The following CACNA1C variants were observed in gnomAD, a reference collection of about 807,000 sequenced individuals.
The protein encoded by CACNA1C is voltage-dependent L-type calcium channel subunit alpha-1C.
Under a neutral mutation model 229.0 loss-of-function variants are expected in CACNA1C, and 30 were observed. The ratio of observed to expected loss-of-function variants is 0.13; its 90% CI spans 0.10 to 0.18. CACNA1C has a LOEUF of 0.18. Among genes scored for constraint, CACNA1C ranks in the 10% least tolerant of loss-of-function variants. The pLI is 1.00. For missense variants in CACNA1C, 1,658 were observed against 2,845.0 expected (o/e 0.58, Z 9.49); for synonymous variants, 1,114 against 1,132.5 (o/e 0.98, Z 0.33).
At chr12:2,374,025 T>C (rs939791787) in intron 3 of CACNA1C, among the ~76,000 whole-genome samples, 3 of 152,226 alleles carry the variant, frequency 2.0e-5, no homozygotes, top group African/African-American at 7.2e-5. Context: ...GTTGCCACAG[T>C]GGTCAAGGGA....
intron 4 of CACNA1C, among the ~76,000 whole-genome samples, chr12:2,450,240 C>T (rs578015402): frequency 7.2e-5 from 11 of 152,126 alleles, no homozygotes; most frequent in Non-Finnish European, 1.6e-4. Flanking sequence ...CCTACCTACA[C>T]TGGTGAAGTG....
chr12:2,671,303 G>A (rs1325711631), intron 38 of CACNA1C, among the ~76,000 whole-genome samples: 2 of 152,020 alleles, frequency 1.3e-5, no homozygotes, highest in East Asian at 1.9e-4. Flanking sequence ...ATGAGCCACC[G>A]CGCCCGGCCA....
At chr12:2,094,890 C>A (rs750591696) in intron 1 of CACNA1C, among the ~76,000 whole-genome samples, 2 of 152,146 alleles carry the variant, frequency 1.3e-5, no homozygotes, top group African/African-American at 2.4e-5. Context: ...TGCTGCAGGC[C>A]CCAGGGGCTC....
chr12:2,393,715 T>C (rs2098526079), intron 3 of CACNA1C, among the ~76,000 whole-genome samples: 1 of 152,226 alleles, frequency 6.6e-6, no homozygotes, highest in African/African-American at 2.4e-5. Flanking sequence ...CCTTGGCAGG[T>C]ACTCGTTTTC....
chr12:2,283,039 A>G (rs184368168), intron 3 of CACNA1C, among the ~76,000 whole-genome samples: 105 of 151,624 alleles, frequency 6.9e-4, no homozygotes, highest in Non-Finnish European at 1.2e-3. Flanking sequence ...TTTTTTACAT[A>G]AAACAGAGGC....
chr12:2,322,361 G>A (rs559248132), intron 3 of CACNA1C, among the ~76,000 whole-genome samples: 2 of 152,318 alleles, frequency 1.3e-5, no homozygotes, highest in South Asian at 4.1e-4. Flanking sequence ...GAGGGCCCGA[G>A]GGCCTGCCCA....
intron 11 of CACNA1C, among the ~76,000 whole-genome samples, chr12:2,560,899 G>T (rs1257729390): frequency 2.7e-5 from 4 of 147,150 alleles, no homozygotes; most frequent in African/African-American, 9.9e-5. Flanking sequence ...CCACTAGAAG[G>T]AGCCTGCAGG....
At chr12:2,407,808 G>T (rs1327429039) in intron 3 of CACNA1C, among the ~76,000 whole-genome samples, 3 of 152,252 alleles carry the variant, frequency 2.0e-5, no homozygotes. Context: ...GTGATGTCGA[G>T]CATCTTTTCA....
At position 2,693,129 on chromosome 12, in the gene CACNA1C, G is replaced by T. The variant is rs951032688; in HGVS notation, c.*1930G>T. On this transcript the variant is annotated 3_prime_UTR_variant, in exon 47 of 47. Coordinates refer to ENST00000399655, the MANE Select transcript of CACNA1C (RefSeq NM_000719.7). ...TCCCTCAATTTTTCCAAAATCGTTT[G>T]CTGGGTATGTTTGTACCGCCTCTTG... 6.6e-6 allele frequency: 1 copy of T among 152,188 alleles called. No individual in the cohort carries two copies. The highest frequency in any genetic ancestry group is 6.5e-5 in the Admixed American group (1 of 15,282). 9.4% of individuals were successfully genotyped at this position (152,188 alleles called of 1,614,324 possible). A position where few individuals can be genotyped will look rare whatever the true frequency, so the allele number is the denominator to read the frequency against.
At chr12:2,673,204 G>A (rs567035191) in intron 38 of CACNA1C, among the ~76,000 whole-genome samples, 4 of 152,272 alleles carry the variant, frequency 2.6e-5, no homozygotes, top group Admixed American at 6.5e-5. Context: ...GGCTGGGCAC[G>A]GTGGCTCACA....
At chr12:2,586,322 A>C (rs946572424) in intron 18 of CACNA1C, among the ~76,000 whole-genome samples, 1 of 152,204 alleles carries the variant, frequency 6.6e-6, no homozygotes, top group African/African-American at 2.4e-5. Context: ...GTGCAGGGAC[A>C]GCTGCCACCA....
At chr12:2,380,030 C>CAAAAAAAAAAAAAAAAAAAAAAAA (rs1172016514) in intron 3 of CACNA1C, among the ~76,000 whole-genome samples, 2 of 80,130 alleles carry the variant, frequency 2.5e-5, no homozygotes, top group African/African-American at 4.8e-5. Flanking sequence ...GACTCCGTCT[C>CAAAAAAAAAAAAAAAAAAAAAAAA]AAAAAAAAAA....
chr12:2,268,421 G>A (rs910511457), intron 3 of CACNA1C, among the ~76,000 whole-genome samples: 7 of 152,230 alleles, frequency 4.6e-5, no homozygotes, highest in Non-Finnish European at 8.8e-5. Flanking sequence ...TGTTCCAGAA[G>A]ATTTCATGGA....
intron 29 of CACNA1C, among the ~76,000 whole-genome samples, chr12:2,629,974 G>A (rs1392414240): frequency 2.6e-5 from 4 of 152,208 alleles, no homozygotes. Context: ...CACATCTCCA[G>A]AGTGGGGAGT....
Position 2,595,799 on chromosome 12 carries a change from G to A in CACNA1C, c.2664-75G>A, listed in dbSNP as rs540714719. On this transcript the variant is annotated intron_variant, in intron 19 of 46. Transcript: ENST00000399655. The surrounding 1 kb of genome is among the most constrained non-coding windows in gnomAD (Gnocchi z 4.1). ...GCTGCTGGGGAGAGCTGAGGAGAGG[G>A]GCTCCCAAGAGCCGACTGGTGCTTC... is the stretch of plus-strand genomic sequence containing the variant. 166 of 1,457,158 alleles carry A rather than the reference G, an allele frequency of 1.1e-4. 2 individuals are homozygous for A. The South Asian group carries it at 1.3e-3, about 11-fold the overall frequency. The allele number at this position is 1,457,158 out of a possible 1,614,324, so 90.3% of individuals were successfully genotyped here.
chr12:2,453,432 C>T (rs905192247), intron 4 of CACNA1C, among the ~76,000 whole-genome samples: 3 of 152,172 alleles, frequency 2.0e-5, no homozygotes, highest in Non-Finnish European at 2.9e-5. Context: ...TGGGCTCCCT[C>T]CTTGATCCCA....
At chr12:2,668,046 A>C (rs530855429) in intron 37 of CACNA1C, among the ~76,000 whole-genome samples, 2 of 152,292 alleles carry the variant, frequency 1.3e-5, no homozygotes, top group Admixed American at 1.3e-4. Context: ...TTCTGCTCCA[A>C]CTTGATGCAG....
At chr12:2,621,810 A>G (rs1026481959) in intron 29 of CACNA1C, among the ~76,000 whole-genome samples, 2 of 152,200 alleles carry the variant, frequency 1.3e-5, no homozygotes, top group African/African-American at 4.8e-5. Context: ...AGAGAAGAAC[A>G]GGAAGAAACC....
At chr12:2,368,129 T>C (rs995295591) in intron 3 of CACNA1C, among the ~76,000 whole-genome samples, 16 of 152,044 alleles carry the variant, frequency 1.1e-4, no homozygotes, top group African/African-American at 3.9e-4. Flanking sequence ...ATATCCATTT[T>C]AAATACAACT....
Sources: allele counts gnomAD v4.1 joint callset (sites outside exome capture counted in the v4.1 genomes callset), GRCh38; gene constraint gnomAD v4.1.1; non-coding constraint Gnocchi (gnomAD v3.1); transcripts MANE v1.5; gene names NCBI Gene and HGNC (gene_info 2026-07-23, HGNC 2026-07-21).